ORC3: variants seen among roughly 807,000 people sequenced by gnomAD.
ORC3 encodes origin recognition complex subunit 3, also known as homolog of latheo, Drosophila.
A neutral mutation model predicts 100.7 loss-of-function variants in ORC3; 78 were observed. The ratio of observed to expected loss-of-function variants is 0.77; its 90% CI spans 0.65 to 0.94. The LOEUF is 0.94. Ranked by LOEUF, ORC3 falls within the 40% of genes least tolerant of loss-of-function variation. The pLI is 0.00. For missense variants in ORC3, 789 were observed against 823.9 expected (o/e 0.96, Z 0.52); for synonymous variants, 295 against 289.3 (o/e 1.02, Z -0.20).
At chr6:87,621,600 T>C in intron 10 of ORC3, 113 bp downstream of exon 10, 2 of 711,786 alleles carry the variant, frequency 2.8e-6, no homozygotes, top group Non-Finnish European at 2.0e-6. Context: ...CCTATTCTGT[T>C]TTTAATTGTG....
chr6:87,628,847 A>G (rs1780107988), intron 11 of ORC3, among the ~76,000 whole-genome samples: 1 of 152,152 alleles, frequency 6.6e-6, no homozygotes, highest in African/African-American at 2.4e-5. Flanking sequence ...GGGGGAAGAA[A>G]ATTTCTTAGA....
intron 11 of ORC3, among the ~76,000 whole-genome samples, chr6:87,622,230 T>C (rs1445343235): frequency 1.3e-5 from 2 of 152,094 alleles, no homozygotes; most frequent in African/African-American, 4.8e-5. Flanking sequence ...AGAAAAAATA[T>C]TAAACACCAA....
intron 11 of ORC3, among the ~76,000 whole-genome samples, chr6:87,627,297 C>CCAATATGAACACA (rs1779986182): frequency 8.8e-6 from 1 of 113,408 alleles, no homozygotes; most frequent in African/African-American, 3.5e-5. Context: ...CCGCGCCCAG[C>CCAATATGAACACA]TTTTTTTTTT....
At chr6:87,594,297 G>T in intron 1 of ORC3, 56 bp from the exon 2 acceptor site, 1 of 1,311,898 alleles carries the variant, frequency 7.6e-7, no homozygotes, top group Non-Finnish European at 1.1e-6. Context: ...TGGTTAATCA[G>T]ATTTCTCTGC....
chr6:87,639,425 C>G (rs1768057827), intron 13 of ORC3, among the ~76,000 whole-genome samples: 1 of 152,312 alleles, frequency 6.6e-6, no homozygotes, highest in African/African-American at 2.4e-5. Context: ...CAACAACTCT[C>G]TTGCGTGTTA....
chr6:87,660,582 A>G (rs1415801015), intron 16 of ORC3, among the ~76,000 whole-genome samples: 1 of 152,268 alleles, frequency 6.6e-6, no homozygotes, highest in Non-Finnish European at 1.5e-5. Context: ...TACCATGAGC[A>G]GCTCTTGGCA....
intron 19 of ORC3, 128 bp from the exon 20 acceptor site, chr6:87,666,890 T>A: frequency 1.7e-6 from 1 of 576,876 alleles, no homozygotes. Context: ...GTAACAGTTA[T>A]AGTTTAATTT....
chr6:87,649,035 T>G (rs545268242), intron 13 of ORC3, among the ~76,000 whole-genome samples: 1 of 152,376 alleles, frequency 6.6e-6, no homozygotes, highest in South Asian at 2.1e-4. Context: ...CTGGATATTA[T>G]CAGGCTTAAA....
At chr6:87,657,264 G>A (rs1462618601) in intron 15 of ORC3, among the ~76,000 whole-genome samples, 1 of 152,160 alleles carries the variant, frequency 6.6e-6, no homozygotes, top group Non-Finnish European at 1.5e-5. Flanking sequence ...GAGAAAATGG[G>A]AACATGGCTG....
chr6:87,667,414 A>G lies in ORC3; in HGVS notation c.*291A>G, dbSNP rs1582104729. On this transcript the variant is annotated 3_prime_UTR_variant, in exon 20 of 20. Transcript: ENST00000392844. The stretch of plus-strand genomic sequence containing the variant: ...AGTAAATCATTCTTGAACTTAGAGT[A>G]TGTAAATGTAATAAATTCCGTTATC... 3.8e-6 allele frequency: 1 copy of G among 264,158 alleles called. No individual in the cohort carries two copies. Among genetic ancestry groups the G allele is most frequent in the East Asian group, 7.3e-5 (1 of 13,688 alleles). The allele number at this position is 264,158 out of a possible 1,614,324, so 16.4% of individuals were successfully genotyped here.
chr6:87,635,071 C>A, intron 12 of ORC3, 110 bp downstream of exon 12: 1 of 758,370 alleles, frequency 1.3e-6, no homozygotes, highest in Non-Finnish European at 2.4e-6. Context: ...CCAATCCTTA[C>A]AATGAGAACA....
intron 2 of ORC3, among the ~76,000 whole-genome samples, chr6:87,600,019 G>A (rs887369710): frequency 2.0e-5 from 3 of 151,976 alleles, no homozygotes; most frequent in Admixed American, 1.3e-4. Flanking sequence ...TTCTTTTTTT[G>A]TTGGCATTTT....
chr6:87,603,951 A>G (rs1436111689), intron 4 of ORC3, among the ~76,000 whole-genome samples: 1 of 152,156 alleles, frequency 6.6e-6, no homozygotes, highest in African/African-American at 2.4e-5. Flanking sequence ...TCCTGTGCAT[A>G]GTTTTTCCAT....
intron 11 of ORC3, among the ~76,000 whole-genome samples, chr6:87,624,602 A>G (rs1271133236): frequency 6.6e-6 from 1 of 152,246 alleles, no homozygotes; most frequent in Non-Finnish European, 1.5e-5. Flanking sequence ...ATAATGTGGT[A>G]CTACAAAATA....
chr6:87,650,285 G>A (rs547687570), intron 13 of ORC3, among the ~76,000 whole-genome samples: 8 of 151,860 alleles, frequency 5.3e-5, no homozygotes, highest in African/African-American at 1.4e-4. Context: ...CAAACATCTG[G>A]GCTCAAGTGG....
the ORC3 span, chr6:87,675,861 G>A: frequency 5.7e-3 from 9,248 of 1,612,872 alleles, 477 homozygotes; most frequent in African/African-American, 0.11. Flanking sequence ...AATACTTACA[G>A]CTAGCAGGCT....
Position 87,653,043 on chromosome 6 carries a change from A to T in ORC3, c.1383-73A>T, listed in dbSNP as rs192203795. 499 of 1,156,520 alleles carry T rather than the reference A, an allele frequency of 4.3e-4. No homozygotes were observed. In the African/African-American group the frequency reaches 7.1e-3, roughly 17 times the overall value. The allele number at this position is 1,156,520 out of a possible 1,614,324, so 71.6% of individuals were successfully genotyped here. On this transcript the variant is annotated intron_variant, in intron 13 of 19. Transcript: ENST00000392844. ...TTCTGAGCGGAAACATTTAATATGT[A>T]TATTAAATAAAATGTTTTTTAAGTG...
intron 11 of ORC3, among the ~76,000 whole-genome samples, chr6:87,630,471 C>T (rs573843834): frequency 6.6e-6 from 1 of 152,248 alleles, no homozygotes; most frequent in African/African-American, 2.4e-5. Flanking sequence ...TTCATTCAGC[C>T]AATATTTTTC....
chr6:87,653,324 T>G, intron 14 of ORC3, 75 bp downstream of exon 14: 1 of 1,384,448 alleles, frequency 7.2e-7, no homozygotes, highest in East Asian at 2.3e-5. Context: ...AAACCCCACC[T>G]TCTGATGTGC....
Sources: gnomAD v4.1 joint callset for allele counts (sites outside exome capture counted in the v4.1 genomes callset) on GRCh38, gnomAD v4.1.1 for gene constraint, MANE v1.5 for transcripts, NCBI Gene and HGNC (gene_info 2026-07-23, HGNC 2026-07-21) for gene names.